Variants in PARG observed in about 807,000 individuals in gnomAD.
PARG encodes mitochondrial poly(ADP-ribose) glycohydrolase.
In PARG, 35 loss-of-function variants were observed where a neutral mutation model predicts 113.0. That is an observed-to-expected ratio of 0.31 (90% CI 0.24 to 0.41). The LOEUF (loss-of-function observed/expected upper bound fraction) is 0.41. PARG is among the 10% of genes least tolerant of loss of function. The probability of loss-of-function intolerance (pLI) is 1.00; values close to 1 mark genes in which losing one functional copy is unlikely to be tolerated. For synonymous variants in PARG, 330 were observed against 409.9 expected (o/e 0.81, Z 2.36); for missense variants, 797 against 1,169.4 (o/e 0.68, Z 4.64).
chr10:49,908,019 A>T (rs1330448775), intron 7 of PARG, among the ~76,000 whole-genome samples: 1 of 152,182 alleles, frequency 6.6e-6, no homozygotes, highest in African/African-American at 2.4e-5. Context: ...TACTGAATGA[A>T]TTTTCACTTT....
chr10:49,838,431 CAAAAAAA>C (rs782657099), intron 15 of PARG, among the ~76,000 whole-genome samples: 3 of 40,308 alleles, frequency 7.4e-5, no homozygotes, highest in African/African-American at 2.1e-4. Flanking sequence ...AACTCCGTCT[CAAAAAAA>C]AAAAAAAAAA....
At chr10:49,913,638 C>T (rs1554846869) in intron 7 of PARG, among the ~76,000 whole-genome samples, 1 of 152,152 alleles carries the variant, frequency 6.6e-6, no homozygotes, top group Non-Finnish European at 1.5e-5. Flanking sequence ...GGCGGTGGCT[C>T]ACACCTGTAA....
chr10:49,831,890 T>G (rs1844686314), intron 16 of PARG, among the ~76,000 whole-genome samples: 1 of 152,060 alleles, frequency 6.6e-6, no homozygotes, highest in South Asian at 2.1e-4. Flanking sequence ...TGGACAGAAA[T>G]GTGCGTGGCC....
chr10:49,855,237 A>AT (rs1845931150), intron 13 of PARG, among the ~76,000 whole-genome samples: 2 of 109,146 alleles, frequency 1.8e-5, no homozygotes, highest in Non-Finnish European at 3.6e-5. Flanking sequence ...CACCAGTGAG[A>AT]TTAAAAGCAG....
At chr10:49,935,740 A>T (rs1246508532) in intron 1 of PARG, among the ~76,000 whole-genome samples, 3 of 152,288 alleles carry the variant, frequency 2.0e-5, no homozygotes, top group East Asian at 1.9e-4. Context: ...GTAAACATGC[A>T]GTCACATAAA....
chr10:49,832,293 A>G (rs1382997741), intron 16 of PARG, among the ~76,000 whole-genome samples: 1 of 152,210 alleles, frequency 6.6e-6, no homozygotes, highest in Non-Finnish European at 1.5e-5. Flanking sequence ...CCTCCACTAC[A>G]GCACTCATTC....
At chr10:49,927,966 T>TTAA (rs1161877901) in intron 4 of PARG, among the ~76,000 whole-genome samples, 1 of 128,978 alleles carries the variant, frequency 7.8e-6, no homozygotes, top group African/African-American at 2.9e-5. Context: ...CCTGTCTCTT[T>TTAA]AAAAAAAAAA....
Position 49,938,977 on chromosome 10 carries a change from C to T in PARG, c.217+2532G>A, listed in dbSNP as rs1838885018. On this transcript the variant is annotated intron_variant, in intron 1 of 17. Transcript: ENST00000616448. Reference sequence around the variant, plus strand: ...GCCAGGTATACAGAAAACATTTAAACATGCGAAATACAGCCCCAAGTATTC... The same window carrying T: ...GCCAGGTATACAGAAAACATTTAAATATGCGAAATACAGCCCCAAGTATTC... 2.6e-5 allele frequency among the ~76,000 whole-genome samples: 4 copies of T among 152,216 alleles called. No individual in the cohort carries two copies. In the South Asian group the frequency reaches 8.3e-4, roughly 32 times the overall value.
At chr10:49,908,322 G>C (rs1479272913) in intron 7 of PARG, 1 of 152,174 alleles carries the variant, frequency 6.6e-6, no homozygotes, top group African/African-American at 2.4e-5. Flanking sequence ...AAACCAGGGA[G>C]AGAAATTCCA....
chr10:49,941,867 T>G lies in PARG; in HGVS notation c.-142A>C. ...TGCCGCTGCCTGCTTCTGCAATTGC[T>G]GATCCGCCGGCCTCCCAAGTCAGGC... On this transcript the variant is annotated 5_prime_UTR_variant, in exon 1 of 18. Transcript: ENST00000616448. The G allele has an allele frequency of 6.9e-7, 1 of 1,441,958 alleles. No individual in the cohort carries two copies. The highest frequency in any genetic ancestry group is 1.2e-5 in the South Asian group (1 of 81,262). 89.3% of individuals were successfully genotyped at this position (1,441,958 alleles called of 1,614,324 possible). A position where few individuals can be genotyped will look rare whatever the true frequency, so the allele number is the denominator to read the frequency against.
intron 17 of PARG, 130 bp from the exon 18 acceptor site, chr10:49,819,624 A>G: frequency 4.6e-6 from 3 of 656,516 alleles, no homozygotes. Flanking sequence ...ATACAGCATG[A>G]ATTTCATATG....
At chr10:49,842,433 T>C (rs1554832559) in intron 14 of PARG, among the ~76,000 whole-genome samples, 2 of 152,344 alleles carry the variant, frequency 1.3e-5, no homozygotes, top group South Asian at 2.1e-4. Context: ...ACAAAGCTCA[T>C]TCCTCCTTTG....
chr10:49,826,071 A>C (rs1554829352), intron 16 of PARG, among the ~76,000 whole-genome samples: 7 of 152,146 alleles, frequency 4.6e-5, no homozygotes. Flanking sequence ...ACTTTTGGTA[A>C]ATTTTGGAGC....
intron 7 of PARG, among the ~76,000 whole-genome samples, chr10:49,886,890 A>T (rs539849941): frequency 6.6e-6 from 1 of 152,334 alleles, no homozygotes; most frequent in African/African-American, 2.4e-5. Flanking sequence ...TAAAAAAACT[A>T]AATTTTTAAA....
intron 9 of PARG, among the ~76,000 whole-genome samples, chr10:49,874,031 GTTCA>G (rs1412409410): frequency 1.4e-5 from 2 of 145,640 alleles, no homozygotes; most frequent in African/African-American, 5.1e-5. Flanking sequence ...TATTAATTCA[GTTCA>G]TTCAAAGGGA....
intron 3 of PARG, 21 bp from the exon 4 acceptor site, chr10:49,932,304 T>C: frequency 1.4e-6 from 2 of 1,385,926 alleles, no homozygotes; most frequent in Non-Finnish European, 2.1e-6. Context: ...GACAAATGTA[T>C]TTAGTCACAA....
intron 4 of PARG, among the ~76,000 whole-genome samples, 199 bp from the exon 5 acceptor site, chr10:49,922,868 A>G (rs180869772): frequency 6.6e-6 from 1 of 152,296 alleles, no homozygotes; most frequent in Non-Finnish European, 1.5e-5. Flanking sequence ...TATATATTCT[A>G]GCTCCATATC....
rs569315535 is a variant in PARG at position 49,928,204 on chromosome 10, G to C, written c.1455+3896C>G. On this transcript the variant is annotated intron_variant, in intron 4 of 17. Transcript: ENST00000616448. ...GAGGATCGCTTGAACCCGGGAGGCA[G>C]AGGTTGCAGTGAGCCGAGATCACAC... Among the ~76,000 whole-genome samples, 491 of 151,894 alleles carry C rather than the reference G, an allele frequency of 3.2e-3. 2 individuals are homozygous for C. Among genetic ancestry groups the C allele is most frequent in the African/African-American group, 0.011 (451 of 41,404 alleles).
intron 16 of PARG, among the ~76,000 whole-genome samples, 196 bp from the exon 17 acceptor site, chr10:49,820,489 A>G (rs1844017286): frequency 6.6e-6 from 1 of 152,130 alleles, no homozygotes; most frequent in African/African-American, 2.4e-5. Context: ...TGGGAGGCTG[A>G]GGCAGGCAGA....
Sources: gnomAD v4.1 joint callset for allele counts (sites outside exome capture counted in the v4.1 genomes callset) on GRCh38, gnomAD v4.1.1 for gene constraint, MANE v1.5 for transcripts, NCBI Gene and HGNC (gene_info 2026-07-23, HGNC 2026-07-21) for gene names.